The following TBC1D4 variants were observed in gnomAD, a reference collection of about 807,000 sequenced individuals.
TBC1D4 encodes the protein TBC (Tre-2, BUB2, CDC16) domain-containing protein.
Under a neutral mutation model 142.5 loss-of-function variants are expected in TBC1D4, and 121 were observed. That is an observed-to-expected ratio of 0.85 (90% CI 0.73 to 0.99). TBC1D4 has a LOEUF of 0.99. Among genes scored for constraint, TBC1D4 ranks in the 50% least tolerant of loss-of-function variants. The pLI is 0.00. For missense variants in TBC1D4, 1,475 were observed against 1,606.6 expected (o/e 0.92, Z 1.40); for synonymous variants, 630 against 628.2 (o/e 1.00, Z -0.04).
At chr13:75,418,793 G>C (rs922365222) in intron 1 of TBC1D4, among the ~76,000 whole-genome samples, 1 of 152,064 alleles carries the variant, frequency 6.6e-6, no homozygotes, top group Admixed American at 6.5e-5. Context: ...ACAACTCCAA[G>C]TGCTATGTTT....
chr13:75,356,485 A>T (rs1303138565), intron 3 of TBC1D4, among the ~76,000 whole-genome samples: 1 of 152,184 alleles, frequency 6.6e-6, no homozygotes, highest in Admixed American at 6.5e-5. Flanking sequence ...CTGCGACTCA[A>T]GGCCACAGGA....
chr13:75,378,181 A>G (rs1883627963), intron 1 of TBC1D4, among the ~76,000 whole-genome samples: 1 of 152,158 alleles, frequency 6.6e-6, no homozygotes, highest in Non-Finnish European at 1.5e-5. Context: ...AACGCACGTC[A>G]ATATATTTTA....
intron 11 of TBC1D4, 65 bp downstream of exon 11, chr13:75,324,172 T>G: frequency 1.3e-6 from 2 of 1,585,390 alleles, no homozygotes; most frequent in Non-Finnish European, 1.7e-6. Flanking sequence ...CAACCACTTT[T>G]TAGTAACATA....
intron 1 of TBC1D4, among the ~76,000 whole-genome samples, chr13:75,367,281 T>C (rs557158333): frequency 2.8e-4 from 43 of 152,318 alleles, no homozygotes; most frequent in South Asian, 1.9e-3. Flanking sequence ...ATTATGGATA[T>C]AAGAGAAGAT....
At chr13:75,341,377 T>C in intron 6 of TBC1D4, 119 bp downstream of exon 6, 3 of 1,223,434 alleles carry the variant, frequency 2.5e-6, no homozygotes, top group Non-Finnish European at 3.6e-6. Flanking sequence ...TTCTATCCAG[T>C]AGTACTCTAG....
At chr13:75,477,877 G>A (rs9543943) in intron 1 of TBC1D4, among the ~76,000 whole-genome samples, 14,480 of 152,248 alleles carry the variant, frequency 0.095, 957 homozygotes, top group Non-Finnish European at 0.14. Flanking sequence ...CATTCCTCCT[G>A]TATAAGACTA....
At chr13:75,428,184 G>T (rs749912758) in intron 1 of TBC1D4, among the ~76,000 whole-genome samples, 45 of 152,226 alleles carry the variant, frequency 3.0e-4, no homozygotes, top group African/African-American at 9.4e-4. Context: ...GGAGGACTTG[G>T]GGGGAGTAGA....
intron 1 of TBC1D4, among the ~76,000 whole-genome samples, chr13:75,469,437 C>T (rs1394830665): frequency 2.0e-5 from 3 of 151,882 alleles, no homozygotes; most frequent in African/African-American, 4.8e-5. Flanking sequence ...TAGTGAGATC[C>T]GGGTGGTGTC....
chr13:75,391,782 C>T (rs906311253), intron 1 of TBC1D4, among the ~76,000 whole-genome samples: 2 of 152,206 alleles, frequency 1.3e-5, no homozygotes, highest in Non-Finnish European at 2.9e-5. Flanking sequence ...TCCTCGCCTG[C>T]CACTCTCCCT....
intron 1 of TBC1D4, among the ~76,000 whole-genome samples, chr13:75,410,764 G>A (rs927472238): frequency 3.2e-4 from 48 of 150,952 alleles, no homozygotes; most frequent in African/African-American, 1.1e-3. Context: ...GTGAAACCCC[G>A]TCTCTACTAA....
chr13:75,464,996 C>T (rs890019793), intron 1 of TBC1D4, among the ~76,000 whole-genome samples: 2 of 152,082 alleles, frequency 1.3e-5, no homozygotes, highest in Non-Finnish European at 2.9e-5. Context: ...AGTTATGTTG[C>T]TAACATCTAC....
rs547784421 is a variant in TBC1D4 at position 75,472,213 on chromosome 13, A to T, written c.498+9057T>A. On this transcript the variant is annotated intron_variant, in intron 1 of 20. Transcript: ENST00000377636. ...GCTGAAGTGGTCGGATCATGAGGTC[A>T]AGAGAGAACAGCCTGGCCAACATGG... is the stretch of plus-strand genomic sequence containing the variant. Among the ~76,000 whole-genome samples the T allele has an allele frequency of 6.8e-4, 103 of 151,918 alleles. 1 individual carries two copies. The highest frequency in any genetic ancestry group is 2.3e-3 in the African/African-American group (97 of 41,418).
chr13:75,326,177 C>G lies in TBC1D4; in HGVS notation c.2033+20G>C. On this transcript the variant is annotated intron_variant, in intron 10 of 20. Coordinates refer to ENST00000377636, the MANE Select transcript of TBC1D4 (RefSeq NM_014832.5). ...GTGCCTTGAGAATCTAGGTCTCATT[C>G]TGGAGAGGGTCAGACTCACCTGCAC... 6.2e-7 allele frequency: 1 copy of G among 1,613,506 alleles called. No homozygotes were observed. Among genetic ancestry groups the G allele is most frequent in the Non-Finnish European group, 8.5e-7 (1 of 1,179,578 alleles).
intron 7 of TBC1D4, 98 bp from the exon 8 acceptor site, chr13:75,337,138 G>T: frequency 9.2e-7 from 1 of 1,088,974 alleles, no homozygotes; most frequent in Non-Finnish European, 1.4e-6. Context: ...AAAAACACAA[G>T]AATTCTTCAG....
intron 1 of TBC1D4, among the ~76,000 whole-genome samples, chr13:75,426,573 G>A (rs1353554257): frequency 6.6e-6 from 1 of 152,124 alleles, no homozygotes; most frequent in African/African-American, 2.4e-5. Context: ...ATGAGACTCA[G>A]GAACTATTCA....
chr13:75,469,058 G>A (rs1010405702), intron 1 of TBC1D4, among the ~76,000 whole-genome samples: 2 of 152,192 alleles, frequency 1.3e-5, no homozygotes, highest in Admixed American at 6.5e-5. Flanking sequence ...AGTGACATTT[G>A]CAATTTAACA....
At chr13:75,384,710 T>C (rs1884071596) in intron 1 of TBC1D4, among the ~76,000 whole-genome samples, 1 of 152,034 alleles carries the variant, frequency 6.6e-6, no homozygotes, top group Non-Finnish European at 1.5e-5. Flanking sequence ...AATCTATGAA[T>C]TTGTGGGCTG....
At chr13:75,366,806 C>T (rs987252849) in intron 1 of TBC1D4, 2 of 374,968 alleles carry the variant, frequency 5.3e-6, no homozygotes, top group African/African-American at 2.2e-5. Flanking sequence ...TACATTTTAC[C>T]TGATTTCAAA....
chr13:75,329,783 T>C (rs1593737477), intron 8 of TBC1D4, among the ~76,000 whole-genome samples: 4 of 152,216 alleles, frequency 2.6e-5, no homozygotes, highest in Non-Finnish European at 4.4e-5. Context: ...CGGCTGGATA[T>C]CGTATATTGT....
Sources: gnomAD v4.1 joint callset for allele counts (sites outside exome capture counted in the v4.1 genomes callset) on GRCh38, gnomAD v4.1.1 for gene constraint, MANE v1.5 for transcripts, NCBI Gene and HGNC (gene_info 2026-07-23, HGNC 2026-07-21) for gene names.